Variants in LRRC8C observed in about 807,000 individuals in gnomAD.
The protein encoded by LRRC8C is leucine rich repeat containing 8 VRAC subunit C, also known as volume-regulated anion channel subunit LRRC8C.
A neutral mutation model predicts 55.3 loss-of-function variants in LRRC8C; 20 were observed. The ratio of observed to expected loss-of-function variants is 0.36; its 90% confidence interval spans 0.25 to 0.53. The LOEUF (loss-of-function observed/expected upper bound fraction) is 0.53. Among genes scored for constraint, LRRC8C ranks in the 20% least tolerant of loss-of-function variants. The pLI is 0.92. For missense variants in LRRC8C, 659 were observed against 951.4 expected (o/e 0.69, Z 4.04); for synonymous variants, 376 against 360.7 (o/e 1.04, Z -0.48).
intron 1 of LRRC8C, among the ~76,000 whole-genome samples, chr1:89,637,777 A>G (rs4658302): frequency 0.56 from 84,572 of 151,932 alleles, 23,951 homozygotes; most frequent in East Asian, 0.79. Context: ...ACAAGATAGA[A>G]AATGTCTAAG....
chr1:89,621,771 C>CATG, the LRRC8C span, among the ~76,000 whole-genome samples: 1 of 152,202 alleles, frequency 6.6e-6, no homozygotes, highest in Non-Finnish European at 1.5e-5. Flanking sequence ...TAAAGACACT[C>CATG]AACATCTCTT....
intron 1 of LRRC8C, among the ~76,000 whole-genome samples, chr1:89,682,628 C>A (rs1449043109): frequency 6.6e-6 from 1 of 152,170 alleles, no homozygotes; most frequent in Non-Finnish European, 1.5e-5. Flanking sequence ...TCACATTACT[C>A]AAGATAGAGG....
In LRRC8C at chr1:89,716,246, A is replaced by G. The variant is rs1000488721; in HGVS notation, c.*1264A>G. Reference sequence around the variant, plus strand: ...TTATATGCAATTTCTGCACCATTTTATGTCAAGGATTTTGAACATCCTCAG... The same window carrying G: ...TTATATGCAATTTCTGCACCATTTTGTGTCAAGGATTTTGAACATCCTCAG... On this transcript the variant is annotated 3_prime_UTR_variant, in exon 3 of 3. Coordinates refer to ENST00000370454, the MANE Select transcript of LRRC8C (RefSeq NM_032270.5). 4.6e-5 allele frequency: 7 copies of G among 152,180 alleles called. No homozygotes were observed. Among genetic ancestry groups the G allele is most frequent in the African/African-American group, 1.4e-4 (6 of 41,440 alleles). The allele number at this position is 152,180 out of a possible 1,614,324, so 9.4% of individuals were successfully genotyped here.
chr1:89,690,510 G>A (rs537909146), intron 2 of LRRC8C, among the ~76,000 whole-genome samples: 2 of 152,188 alleles, frequency 1.3e-5, no homozygotes, highest in African/African-American at 2.4e-5. Flanking sequence ...ACAAGCACAC[G>A]GAATTGTTTC....
At chr1:89,708,346 A>G (rs1658547360) in intron 2 of LRRC8C, among the ~76,000 whole-genome samples, 1 of 152,120 alleles carries the variant, frequency 6.6e-6, no homozygotes, top group Admixed American at 6.5e-5. Flanking sequence ...TCCTGTACCA[A>G]CAGCCTGGAA....
At chr1:89,624,127 G>A in the LRRC8C span, among the ~76,000 whole-genome samples, 1 of 152,214 alleles carries the variant, frequency 6.6e-6, no homozygotes, top group African/African-American at 2.4e-5. Context: ...TGTTATAGGA[G>A]AGAAATCCTG....
intron 2 of LRRC8C, among the ~76,000 whole-genome samples, chr1:89,689,797 C>T (rs1230241195): frequency 6.6e-6 from 1 of 151,932 alleles, no homozygotes; most frequent in Non-Finnish European, 1.5e-5. Flanking sequence ...AAAAATTAGC[C>T]GGGCATGTTG....
At chr1:89,704,518 T>A (rs1006097064) in intron 2 of LRRC8C, among the ~76,000 whole-genome samples, 10 of 152,270 alleles carry the variant, frequency 6.6e-5, no homozygotes, top group East Asian at 3.9e-4. Context: ...CTTATTTGTT[T>A]ATGTATTATA....
chr1:89,677,620 T>C (rs971003891), intron 1 of LRRC8C, among the ~76,000 whole-genome samples: 1 of 152,234 alleles, frequency 6.6e-6, no homozygotes, highest in Non-Finnish European at 1.5e-5. Context: ...CCATTAGCTG[T>C]GTTCCTTGGG....
chr1:89,660,402 T>C (rs1185499622), intron 1 of LRRC8C, among the ~76,000 whole-genome samples: 1 of 152,190 alleles, frequency 6.6e-6, no homozygotes, highest in Non-Finnish European at 1.5e-5. Context: ...AAAAACCTCA[T>C]GCCTGGGCCC....
At position 89,714,371 on chromosome 1, in the gene LRRC8C, C is replaced by T; in HGVS notation, c.1801C>T (p.Leu601=). 1 of 1,614,124 alleles carries T rather than the reference C, an allele frequency of 6.2e-7. No homozygotes were observed. Among genetic ancestry groups the T allele is most frequent in the Non-Finnish European group, 8.5e-7 (1 of 1,180,010 alleles). ...LTELELVHCD[L]ERIPHAVFSL... ...AGAGCTGGAGCTGGTCCACTGTGAC[C>T]TGGAGCGTATTCCTCATGCTGTGTT... Residue 601 remains leucine, a synonymous_variant, in exon 3 of 3, where the codon CTG becomes TTG. Coordinates refer to ENST00000370454, the MANE Select transcript of LRRC8C (RefSeq NM_032270.5). The surrounding 1 kb of genome is among the most constrained non-coding windows in gnomAD (Gnocchi z 4.6).
chr1:89,694,074 T>C (rs1255492692), intron 2 of LRRC8C, among the ~76,000 whole-genome samples: 1 of 152,216 alleles, frequency 6.6e-6, no homozygotes, highest in East Asian at 1.9e-4. Flanking sequence ...ACCTTTGTCA[T>C]CTCTGTGGGG....
upstream of LRRC8C, among the ~76,000 whole-genome samples, chr1:89,630,808 T>C (rs1163371343): frequency 6.6e-6 from 1 of 152,194 alleles, no homozygotes; most frequent in African/African-American, 2.4e-5. Context: ...TGGATGTTAA[T>C]GTGAATTAGG....
chr1:89,646,519 A>G (rs1397482298), intron 1 of LRRC8C, among the ~76,000 whole-genome samples: 1 of 152,146 alleles, frequency 6.6e-6, no homozygotes, highest in African/African-American at 2.4e-5. Context: ...TTAAATGATC[A>G]TATGGTTTTT....
At chr1:89,643,275 G>T (rs1320757616) in intron 1 of LRRC8C, among the ~76,000 whole-genome samples, 1 of 152,168 alleles carries the variant, frequency 6.6e-6, no homozygotes, top group Non-Finnish European at 1.5e-5. Context: ...TGGAGACAGG[G>T]TTTCATCATG....
chr1:89,657,632 T>C (rs1239806305), intron 1 of LRRC8C, among the ~76,000 whole-genome samples: 3 of 151,678 alleles, frequency 2.0e-5, no homozygotes, highest in Non-Finnish European at 4.4e-5. Flanking sequence ...TCCCAGCTAC[T>C]TGGGAGACTG....
At chr1:89,671,701 C>T (rs1034252189) in intron 1 of LRRC8C, among the ~76,000 whole-genome samples, 17 of 152,136 alleles carry the variant, frequency 1.1e-4, no homozygotes, top group Admixed American at 8.5e-4. Flanking sequence ...AATGTGGAGG[C>T]ATTAATGATG....
chr1:89,660,919 A>G (rs1037885871), intron 1 of LRRC8C, among the ~76,000 whole-genome samples: 1 of 152,232 alleles, frequency 6.6e-6, no homozygotes, highest in African/African-American at 2.4e-5. Flanking sequence ...TGTAATGTGC[A>G]AAGTTGAAAC....
chr1:89,619,388 T>C, the LRRC8C span, among the ~76,000 whole-genome samples: 1 of 150,930 alleles, frequency 6.6e-6, no homozygotes, highest in Non-Finnish European at 1.5e-5. Context: ...ATTAGTTTTA[T>C]ATTTATATAA....
Sources: gnomAD v4.1 joint callset for allele counts (sites outside exome capture counted in the v4.1 genomes callset) on GRCh38, gnomAD v4.1.1 for gene constraint, Gnocchi (gnomAD v3.1) non-coding constraint, MANE v1.5 for transcripts, NCBI Gene and HGNC (gene_info 2026-07-23, HGNC 2026-07-21) for gene names.